ADAM19: variants seen among roughly 807,000 people sequenced by gnomAD.
ADAM19 encodes the protein ADAM metallopeptidase domain 19.
In ADAM19, 65 loss-of-function variants were observed where a neutral mutation model predicts 114.7. That is an observed-to-expected ratio of 0.57 (90% confidence interval 0.46 to 0.70). The LOEUF is 0.70. Among genes scored for constraint, ADAM19 ranks in the 30% least tolerant of loss-of-function variants. The pLI, the probability that ADAM19 is intolerant of heterozygous loss-of-function variation, is 0.00. For synonymous variants in ADAM19, 466 were observed against 460.5 expected, an observed-to-expected ratio of 1.01 and a Z score of -0.15; for missense variants, 1,063 against 1,204.7, an observed-to-expected ratio of 0.88 and a Z score of 1.74.
chr5:157,509,293 C>T lies in ADAM19; in HGVS notation c.905+8G>A. 2 of 1,603,104 alleles carry T rather than the reference C, an allele frequency of 1.2e-6. No individual in the cohort carries two copies. Among genetic ancestry groups the T allele is most frequent in the Non-Finnish European group, 8.5e-7 (1 of 1,173,062 alleles). The stretch of plus-strand genomic sequence containing the variant: ...GGACAACACAACATATGGAAAAAGG[C>T]TATTTACGTGATTAATTGGGCGTTG... On this transcript the variant is annotated splice_region_variant and intron_variant, in intron 9 of 22. Transcript: ENST00000257527.
chr5:157,521,427 G>C (rs13179607), intron 5 of ADAM19, among the ~76,000 whole-genome samples: 14,973 of 152,104 alleles, frequency 0.098, 902 homozygotes, highest in South Asian at 0.16. Context: ...ACTGTAAATT[G>C]GCAGGACCTC....
At chr5:157,550,944 G>A (rs945536993) in intron 3 of ADAM19, among the ~76,000 whole-genome samples, 2 of 152,188 alleles carry the variant, frequency 1.3e-5, no homozygotes, top group African/African-American at 4.8e-5. Context: ...ATAAGAAGCT[G>A]TAAGAGTTAA....
chr5:157,559,745 A>G (rs1757461500), intron 3 of ADAM19, among the ~76,000 whole-genome samples: 1 of 152,232 alleles, frequency 6.6e-6, no homozygotes, highest in African/African-American at 2.4e-5. Context: ...TTGTGCAAAC[A>G]GCAGTCTATA....
At chr5:157,487,607 C>G (rs535583619) in intron 21 of ADAM19, among the ~76,000 whole-genome samples, 138 of 152,332 alleles carry the variant, frequency 9.1e-4, no homozygotes, top group Non-Finnish European at 1.6e-3. Context: ...TCAGAGCACA[C>G]ACACGCAGTG....
At chr5:157,573,819 T>C (rs2113805180) in intron 1 of ADAM19, among the ~76,000 whole-genome samples, 1 of 152,302 alleles carries the variant, frequency 6.6e-6, no homozygotes, top group South Asian at 2.1e-4. Flanking sequence ...TATGGTTTGC[T>C]TCATGGGGCA....
In ADAM19 at chr5:157,551,032, C is replaced by T. The variant is rs114101480; in HGVS notation, c.252-13041G>A. On this transcript the variant is annotated intron_variant, in intron 3 of 22. Transcript: ENST00000257527. ...GTCTCTTCAATAAATGGTGGGAAAA[C>T]CATATGCAGAAGAATAAAACTAGGC... Among the ~76,000 whole-genome samples, 496 of 152,188 alleles carry T rather than the reference C, an allele frequency of 3.3e-3. 3 individuals carry two copies. The highest frequency in any genetic ancestry group is 0.011 in the African/African-American group (465 of 41,510).
chr5:157,519,729 CT>C, intron 6 of ADAM19, 109 bp downstream of exon 6: 1 of 1,029,754 alleles, frequency 9.7e-7, no homozygotes, highest in Non-Finnish European at 1.4e-6. Context: ...TTTCCTTTTT[CT>C]TAGGCATCAC....
chr5:157,505,236 G>A (rs1178389608), intron 11 of ADAM19, among the ~76,000 whole-genome samples: 5 of 152,082 alleles, frequency 3.3e-5, no homozygotes, highest in Non-Finnish European at 5.9e-5. Flanking sequence ...GGGGTGTGTG[G>A]ATGGCCCTCT....
At position 157,575,718 on chromosome 5, in the gene ADAM19, T is replaced by C; in HGVS notation, c.-22A>G. On this transcript the variant is annotated 5_prime_UTR_variant, in exon 1 of 23. Coordinates refer to ENST00000257527, the MANE Select transcript of ADAM19 (RefSeq NM_033274.5). ...GCATGGTGGCGGCGGCCCTTAGCGC[T>C]CGGCGCTCACACGCCCTCAGCCATA... 1 of 1,308,344 alleles carries C rather than the reference T, an allele frequency of 7.6e-7. No individual in the cohort carries two copies. Among genetic ancestry groups the C allele is most frequent in the Non-Finnish European group, 9.7e-7 (1 of 1,030,046 alleles). The allele number at this position is 1,308,344 out of a possible 1,614,324, so 81.0% of individuals were successfully genotyped here.
chr5:157,505,690 C>T lies in ADAM19; in HGVS notation c.1109G>A (p.Cys370Tyr), dbSNP rs764327770. Residue 370 changes from cysteine to tyrosine, a missense_variant, in exon 11 of 23, where the codon TGC becomes TAC. Coordinates refer to ENST00000257527, the MANE Select transcript of ADAM19 (RefSeq NM_033274.5). ...TCACCCAGTGGCAGCTGCCATGATGCACCCACCATCAGCCGCACTGGCCGA... is the reference window on the plus strand; with the variant it reads ...TCACCCAGTGGCAGCTGCCATGATGTACCCACCATCAGCCGCACTGGCCGA... The part of the protein sequence containing the change: ...CCSASAADGG[C>Y]IMAAATGHPF... The T allele has an allele frequency of 1.2e-6, 2 of 1,614,106 alleles. No individual in the cohort carries two copies. Among genetic ancestry groups the T allele is most frequent in the Admixed American group, 3.3e-5 (2 of 60,022 alleles).
At chr5:157,490,199 T>C in intron 19 of ADAM19, 111 bp downstream of exon 19, 1 of 1,249,944 alleles carries the variant, frequency 8.0e-7, no homozygotes, top group Non-Finnish European at 1.1e-6. Context: ...ATCTTGCACT[T>C]GTCTTCCCTG....
chr5:157,558,221 A>G (rs1309838524), intron 3 of ADAM19, among the ~76,000 whole-genome samples: 2 of 152,240 alleles, frequency 1.3e-5, no homozygotes, highest in Non-Finnish European at 2.9e-5. Flanking sequence ...TCCAAAGAAC[A>G]TGTGAAGAAA....
chr5:157,522,053 C>T (rs1420832772), intron 5 of ADAM19, among the ~76,000 whole-genome samples: 1 of 152,206 alleles, frequency 6.6e-6, no homozygotes, highest in Non-Finnish European at 1.5e-5. Flanking sequence ...CTAAACAGGA[C>T]AGAGACCAAG....
chr5:157,546,405 C>T (rs1757049003), intron 3 of ADAM19, among the ~76,000 whole-genome samples: 1 of 152,156 alleles, frequency 6.6e-6, no homozygotes, highest in Non-Finnish European at 1.5e-5. Context: ...CATGGCTGCC[C>T]TCCTTCTCCA....
chr5:157,501,996 G>A (rs1755577125), intron 12 of ADAM19, among the ~76,000 whole-genome samples: 1 of 152,162 alleles, frequency 6.6e-6, no homozygotes, highest in African/African-American at 2.4e-5. Flanking sequence ...GGTGGAGGTT[G>A]CAGTGAGTGG....
chr5:157,510,470 C>T (rs1561536949), intron 8 of ADAM19, among the ~76,000 whole-genome samples: 2 of 152,068 alleles, frequency 1.3e-5, no homozygotes, highest in Non-Finnish European at 2.9e-5. Flanking sequence ...GAAACTCCGT[C>T]TCAAAAAAAA....
In ADAM19 at chr5:157,477,694, G is replaced by T; in HGVS notation, c.*3255C>A. 2.3e-6 allele frequency: 3 copies of T among 1,289,768 alleles called. No homozygotes were observed. Among genetic ancestry groups the T allele is most frequent in the Non-Finnish European group, 3.0e-6 (3 of 988,844 alleles). The allele number at this position is 1,289,768 out of a possible 1,614,324, so 79.9% of individuals were successfully genotyped here. A position where few individuals can be genotyped will look rare whatever the true frequency, so the allele number is the denominator to read the frequency against. On this transcript the variant is annotated 3_prime_UTR_variant, in exon 23 of 23. Transcript: ENST00000257527. ...GTGGTTAACACAATTACTGACTTTG[G>T]AACTGGTCCCCAGTTTTCAAATTGC...
In ADAM19 at chr5:157,514,326, C is replaced by CTTTTTTTT. The variant is rs200826711; in HGVS notation, c.667-822_667-821insAAAAAAAA. On this transcript the variant is annotated intron_variant, in intron 7 of 22. Transcript: ENST00000257527. Reference sequence around the variant, plus strand: ...AGACTGCATCGATTCAATCACATTTCTTTCTTTTTTTTTTTTTTTTGAGAC... The same window carrying CTTTTTTTT: ...AGACTGCATCGATTCAATCACATTTCTTTTTTTTTTTCTTTTTTTTTTTTTTTTGAGAC... 2.1e-5 allele frequency among the ~76,000 whole-genome samples: 3 copies of CTTTTTTTT among 141,690 alleles called. 1 individual carries two copies. Among genetic ancestry groups the CTTTTTTTT allele is most frequent in the African/African-American group, 5.4e-5 (2 of 37,242 alleles). The allele number at this position is 141,690 out of a possible 152,430, so 93.0% of individuals were successfully genotyped here.
At position 157,575,629 on chromosome 5, in the gene ADAM19, CGCGGCCG is replaced by C; in HGVS notation, c.61_67del (p.Arg21GlyfsTer35). 6.9e-7 allele frequency: 1 copy of C among 1,442,492 alleles called. No individual in the cohort carries two copies. Among genetic ancestry groups the C allele is most frequent in the Non-Finnish European group, 9.1e-7 (1 of 1,104,056 alleles). 89.4% of individuals were successfully genotyped at this position (1,442,492 alleles called of 1,614,324 possible). On this transcript the variant is annotated frameshift_variant, in exon 1 of 23. Transcript: ENST00000257527. LOFTEE classifies it high-confidence loss of function. ...TGTCCATCCAGGCTCCCGCGCCGCC[CGCGGCCG>C]GAGGGGCTGCAGGGCAAACGCCAGC...
Sources: allele counts gnomAD v4.1 joint callset (sites outside exome capture counted in the v4.1 genomes callset), GRCh38; gene constraint gnomAD v4.1.1; transcripts MANE v1.5; gene names NCBI Gene and HGNC (gene_info 2026-07-23, HGNC 2026-07-21).